The following ZNF446 variants were observed in gnomAD, a reference collection of about 807,000 sequenced individuals.
ZNF446 encodes zinc finger protein with KRAB and SCAN domains 20.
In ZNF446, 42 loss-of-function variants were observed where a neutral mutation model predicts 34.0. The ratio of observed to expected loss-of-function variants is 1.23; its 90% CI spans 0.96 to 1.60. The LOEUF (loss-of-function observed/expected upper bound fraction) is 1.60, where lower values mean the gene tolerates loss of function less well. Ranked by LOEUF, ZNF446 falls within the 40% of genes most tolerant of loss-of-function variation. The pLI is 0.00. For synonymous variants in ZNF446, 315 were observed against 251.0 expected (o/e 1.25, Z -2.41); for missense variants, 650 against 600.2 (o/e 1.08, Z -0.87).
downstream of ZNF446, among the ~76,000 whole-genome samples, chr19:58,484,717 A>C (rs937628872): frequency 1.3e-5 from 2 of 152,042 alleles, no homozygotes; most frequent in African/African-American, 4.8e-5. Context: ...CCAATCAGCC[A>C]ATTTTCCCCA....
intron 3 of ZNF446, 117 bp downstream of exon 3, chr19:58,477,943 G>A: frequency 7.6e-7 from 1 of 1,322,618 alleles, no homozygotes; most frequent in South Asian, 1.5e-5. Context: ...AGTGAATGTG[G>A]ATGTCCCTGT....
At chr19:58,484,452 C>T (rs565793637), downstream of ZNF446, among the ~76,000 whole-genome samples, 13 of 138,152 alleles carry the variant, frequency 9.4e-5, no homozygotes, top group Non-Finnish European at 1.5e-4. Context: ...GGCAACAGGG[C>T]GAGACTCCAT....
chr19:58,488,863 A>AT, the ZNF446 span, among the ~76,000 whole-genome samples: 1 of 147,310 alleles, frequency 6.8e-6, no homozygotes, highest in African/African-American at 2.7e-5. Context: ...AAAAAAAAAA[A>AT]ACAAAAAAAT....
Position 58,477,355 on chromosome 19 carries a change from G to A in ZNF446, c.137G>A (p.Arg46Gln), listed in dbSNP as rs142265239. ...EVAGPREALA[R>Q]LRELCCQWLQ... Reference sequence around the variant, plus strand: ...GCAGGTCCCCGAGAAGCCCTGGCCCGGCTGCGTGAGCTGTGTTGCCAGTGG... The same window carrying A: ...GCAGGTCCCCGAGAAGCCCTGGCCCAGCTGCGTGAGCTGTGTTGCCAGTGG... Residue 46 changes from arginine to glutamine, a missense_variant, in exon 2 of 7, where the codon CGG (arginine) becomes CAG (glutamine). By Grantham distance (43) the Arg-to-Gln change is conservative (BLOSUM62 1). Transcript: ENST00000594369. The A allele has an allele frequency of 1.3e-4, 213 of 1,613,340 alleles. No homozygotes were observed. The African/African-American group carries it at 2.0e-3, about 15-fold the overall frequency.
At position 58,478,151 on chromosome 19, in the gene ZNF446, C is replaced by G; in HGVS notation, c.597C>G (p.Ala199=). The change falls in exon 4 of 7, where the codon GCC becomes GCG. Residue 199 remains alanine, a synonymous_variant. Coordinates refer to ENST00000594369, the MANE Select transcript of ZNF446 (RefSeq NM_017908.4). ...PEGNHGHQEP[A]STSFHPPRIQ... ...GGAACCATGGACACCAAGAACCAGC[C>G]TCCACATCCTTCCACCCACCCAGGA... 2 of 1,614,110 alleles carry G rather than the reference C, an allele frequency of 1.2e-6. No homozygotes were observed. The highest frequency in any genetic ancestry group is 1.7e-6 in the Non-Finnish European group (2 of 1,179,964).
At chr19:58,487,036 C>G in the ZNF446 span, among the ~76,000 whole-genome samples, 1 of 141,158 alleles carries the variant, frequency 7.1e-6, no homozygotes, top group Non-Finnish European at 1.6e-5. Context: ...TGTGATCCGT[C>G]CACCTCGGCC....
At chr19:58,488,890 A>T in the ZNF446 span, among the ~76,000 whole-genome samples, 2 of 151,482 alleles carry the variant, frequency 1.3e-5, no homozygotes, top group African/African-American at 2.4e-5. Context: ...TGCCAATAGC[A>T]GGTATTGGTG....
chr19:58,477,686 CAG>C lies in ZNF446; in HGVS notation c.395_396del (p.Glu132GlyfsTer58), dbSNP rs760173003. ...GAGGTGCTCCCTGCAGCCCAGAAGA[CAG>C]AGGAACCACTTGGGAGCCCCCACCC... is the stretch of plus-strand genomic sequence containing the variant. On this transcript the variant is annotated frameshift_variant, in exon 3 of 7. Coordinates refer to ENST00000594369, the MANE Select transcript of ZNF446 (RefSeq NM_017908.4). LOFTEE classifies it high-confidence loss of function. The C allele has an allele frequency of 9.5e-5, 153 of 1,613,768 alleles. No individual in the cohort carries two copies. The highest frequency in any genetic ancestry group is 1.2e-4 in the Non-Finnish European group (147 of 1,180,046).
chr19:58,478,485 G>A (rs1286018231), intron 4 of ZNF446, among the ~76,000 whole-genome samples: 1 of 152,096 alleles, frequency 6.6e-6, no homozygotes, highest in Non-Finnish European at 1.5e-5. Context: ...CCAATGTGGT[G>A]AAACCCTGTA....
At chr19:58,478,811 G>A (rs908676169) in intron 4 of ZNF446, among the ~76,000 whole-genome samples, 2 of 152,126 alleles carry the variant, frequency 1.3e-5, no homozygotes, top group African/African-American at 4.8e-5. Context: ...CAGACCTGGG[G>A]ATTTGAACTT....
At position 58,480,757 on chromosome 19, in the gene ZNF446, C is replaced by T. The variant is rs756908072; in HGVS notation, c.*31C>T. ...CAGACAGCACAGTCCCTCGGGGCCT[C>T]GGTGTTCTCGGGGCCTGGATACAGC... On this transcript the variant is annotated 3_prime_UTR_variant, in exon 7 of 7. Transcript: ENST00000594369. This position sits in a 1 kb window ranked among gnomAD's most constrained non-coding sequence, Gnocchi z 7.2. 52 of 1,578,514 alleles carry T rather than the reference C, an allele frequency of 3.3e-5. No individual in the cohort carries two copies. The highest frequency in any genetic ancestry group is 3.9e-5 in the Non-Finnish European group (46 of 1,165,364).
At position 58,477,715 on chromosome 19, in the gene ZNF446, T is replaced by G; in HGVS notation, c.421T>G (p.Ser141Ala). 1 of 1,613,790 alleles carries G rather than the reference T, an allele frequency of 6.2e-7. No homozygotes were observed. The highest frequency in any genetic ancestry group is 8.5e-7 in the Non-Finnish European group (1 of 1,179,956). ...GGAACCACTTGGGAGCCCCCACCCC[T>G]CAGGGACAGTGGAGTCCCCTGGGGA... ...TEEPLGSPHPSGTVESPGEGP... is the reference protein window; with the variant it reads ...TEEPLGSPHPAGTVESPGEGP... The change falls in exon 3 of 7, where the codon TCA (serine) becomes GCA (alanine). Residue 141 changes from serine to alanine, a missense_variant. By Grantham distance (99) the Ser-to-Ala change is moderately conservative (BLOSUM62 1). Transcript: ENST00000594369.
downstream of ZNF446, among the ~76,000 whole-genome samples, chr19:58,484,580 C>T (rs868093349): frequency 1.3e-5 from 2 of 152,010 alleles, no homozygotes; most frequent in South Asian, 2.1e-4. Flanking sequence ...ACCTGTAAGC[C>T]CAGCACTTTG....
At chr19:58,479,611 A>C (rs1652135379) in intron 4 of ZNF446, 32 bp from the exon 5 acceptor site, 1 of 1,609,494 alleles carries the variant, frequency 6.2e-7, no homozygotes. Context: ...AAGGGGTGGA[A>C]AGACGCCTAC....
At chr19:58,485,122 A>G (rs1224508106), downstream of ZNF446, among the ~76,000 whole-genome samples, 1 of 152,068 alleles carries the variant, frequency 6.6e-6, no homozygotes, top group Non-Finnish European at 1.5e-5. Context: ...AAGTCCAAGA[A>G]TTGCTAAGAC....
intron 1 of ZNF446, 103 bp from the exon 2 acceptor site, chr19:58,477,076 G>C (rs1191526175): frequency 8.5e-6 from 6 of 709,772 alleles, no homozygotes; most frequent in Non-Finnish European, 1.2e-5. Flanking sequence ...TCTGGCCTCA[G>C]AGTACACTTG....
downstream of ZNF446, among the ~76,000 whole-genome samples, chr19:58,483,058 TC>T (rs1353302639): frequency 4.6e-5 from 7 of 152,206 alleles, no homozygotes; most frequent in East Asian, 1.2e-3. Context: ...CAATGCTTAC[TC>T]CAGAAGTTTA....
At chr19:58,479,619 T>C (rs1458687323) in intron 4 of ZNF446, 24 bp from the exon 5 acceptor site, 4 of 1,612,036 alleles carry the variant, frequency 2.5e-6, no homozygotes, top group Non-Finnish European at 3.4e-6. Context: ...GAAAGACGCC[T>C]ACAGTGATGG....
chr19:58,477,990 GGCTACGT>G, intron 3 of ZNF446, 90 bp from the exon 4 acceptor site: 3 of 1,363,440 alleles, frequency 2.2e-6, no homozygotes, highest in Non-Finnish European at 3.0e-6. Context: ...GCCAAGGGCT[GGCTACGT>G]GCCATGTCAC....
Sources: gnomAD v4.1 joint callset for allele counts (sites outside exome capture counted in the v4.1 genomes callset) on GRCh38, gnomAD v4.1.1 for gene constraint, Gnocchi (gnomAD v3.1) non-coding constraint, MANE v1.5 for transcripts, NCBI Gene and HGNC (gene_info 2026-07-23, HGNC 2026-07-21) for gene names.